The following STPG2 variants were observed in gnomAD, a reference collection of about 807,000 sequenced individuals.
STPG2 encodes the protein sperm-tail PG-rich repeat-containing protein 2.
A neutral mutation model predicts 54.2 loss-of-function variants in STPG2; 56 were observed. That is an observed-to-expected ratio of 1.03 (90% CI 0.83 to 1.29). The LOEUF is 1.29. Ranked by LOEUF, STPG2 falls within the 50% of genes most tolerant of loss-of-function variation. STPG2 has a pLI of 0.00. For missense variants in STPG2, 596 were observed against 544.9 expected, an observed-to-expected ratio of 1.09 and a Z score of -0.93; for synonymous variants, 200 against 181.8, an observed-to-expected ratio of 1.10 and a Z score of -0.81.
At chr4:97,865,680 A>G (rs1729744111) in intron 8 of STPG2, among the ~76,000 whole-genome samples, 1 of 151,916 alleles carries the variant, frequency 6.6e-6, no homozygotes, top group East Asian at 1.9e-4. Context: ...GAAGGGGAAC[A>G]TGACACATCG....
At chr4:97,524,857 G>T (rs902282601) in intron 4 of STPG2, among the ~76,000 whole-genome samples, 4 of 151,946 alleles carry the variant, frequency 2.6e-5, no homozygotes, top group Admixed American at 6.6e-5. Flanking sequence ...ATAGTGGCCT[G>T]TGTTTCTGTC....
intron 4 of STPG2, among the ~76,000 whole-genome samples, chr4:97,443,057 C>T (rs907935226): frequency 2.0e-5 from 3 of 152,060 alleles, no homozygotes; most frequent in Non-Finnish European, 2.9e-5. Context: ...CAAATAAAAT[C>T]TATAGAATTT....
Position 97,558,904 on chromosome 4 carries a change from T to C in STPG2, c.*154A>G. ...TTAACAAGGTTTATTTCTCCGTGGT[T>C]GTGTCATATAGTCACTAAAGCCTGA... On this transcript the variant is annotated 3_prime_UTR_variant, in exon 11 of 11. Transcript: ENST00000295268. 1.8e-5 allele frequency: 11 copies of C among 607,892 alleles called. No individual in the cohort carries two copies. Among genetic ancestry groups the C allele is most frequent in the Non-Finnish European group, 3.2e-5 (11 of 343,366 alleles). 37.7% of individuals were successfully genotyped at this position (607,892 alleles called of 1,614,324 possible). A position where few individuals can be genotyped will look rare whatever the true frequency, so the allele number is the denominator to read the frequency against.
At chr4:97,750,949 C>A (rs1257253974) in intron 9 of STPG2, among the ~76,000 whole-genome samples, 1 of 151,694 alleles carries the variant, frequency 6.6e-6, no homozygotes, top group Non-Finnish European at 1.5e-5. Flanking sequence ...AATACAAATG[C>A]TTTAAGATGC....
At chr4:97,876,847 T>G (rs1223144070) in intron 8 of STPG2, among the ~76,000 whole-genome samples, 4 of 152,028 alleles carry the variant, frequency 2.6e-5, no homozygotes, top group Admixed American at 6.6e-5. Flanking sequence ...TTTCTTAGCC[T>G]GGAAATAAGC....
chr4:98,071,816 T>C (rs1738013383), intron 5 of STPG2, among the ~76,000 whole-genome samples: 1 of 152,242 alleles, frequency 6.6e-6, no homozygotes, highest in Admixed American at 6.5e-5. Context: ...AAGCTCAACA[T>C]CACTAATCAT....
chr4:97,689,020 T>C (rs909660253), intron 10 of STPG2, among the ~76,000 whole-genome samples: 4 of 152,186 alleles, frequency 2.6e-5, no homozygotes, highest in African/African-American at 9.6e-5. Context: ...ACCCTATTTG[T>C]TACTTCAGTA....
chr4:97,792,517 T>C (rs894025930), intron 9 of STPG2, among the ~76,000 whole-genome samples: 6 of 152,184 alleles, frequency 3.9e-5, no homozygotes, highest in African/African-American at 1.4e-4. Context: ...CAATAGCCTA[T>C]ATTAATTGCT....
intron 10 of STPG2, among the ~76,000 whole-genome samples, chr4:97,637,204 ATG>A (rs1350508236): frequency 6.6e-6 from 1 of 152,198 alleles, no homozygotes; most frequent in African/African-American, 2.4e-5. Context: ...AAATCAATAA[ATG>A]TAATCCAGCA....
chr4:97,507,817 C>T lies in STPG2; in HGVS notation c.462+204882G>A, dbSNP rs577049758. Among the ~76,000 whole-genome samples the T allele has an allele frequency of 9.9e-5, 15 of 152,154 alleles. No individual in the cohort carries two copies. The East Asian group carries it at 2.5e-3, about 26-fold the overall frequency. ...CTTCCATGCCTTCCCCACAAAGAGT[C>T]AGGGCATGTTACCATTGCCACACAT... On this transcript the variant is annotated intron_variant, in intron 4 of 4. Coordinates refer to the STPG2 transcript ENST00000522676.
chr4:97,908,416 G>A (rs1313008610), intron 8 of STPG2, among the ~76,000 whole-genome samples: 2 of 149,334 alleles, frequency 1.3e-5, no homozygotes, highest in Admixed American at 1.3e-4. Flanking sequence ...CGCTGTTGGT[G>A]GGACTGTAAA....
chr4:97,885,803 G>A (rs1244485870), intron 8 of STPG2, among the ~76,000 whole-genome samples: 1 of 152,134 alleles, frequency 6.6e-6, no homozygotes, highest in Non-Finnish European at 1.5e-5. Flanking sequence ...AATCCCCCAT[G>A]CATATTGTGG....
intron 6 of STPG2, among the ~76,000 whole-genome samples, chr4:97,974,462 G>A (rs929501473): frequency 6.6e-6 from 1 of 152,148 alleles, no homozygotes; most frequent in African/African-American, 2.4e-5. Context: ...CGTGAGATTT[G>A]GGAGGGGCCC....
chr4:97,693,150 AG>A (rs1723432752), intron 10 of STPG2, among the ~76,000 whole-genome samples: 1 of 150,572 alleles, frequency 6.6e-6, no homozygotes, highest in Non-Finnish European at 1.5e-5. Flanking sequence ...AAAAAAAAAA[AG>A]AAAGGTATTC....
At chr4:97,801,505 T>C (rs1228194920) in intron 9 of STPG2, among the ~76,000 whole-genome samples, 1 of 152,186 alleles carries the variant, frequency 6.6e-6, no homozygotes, top group African/African-American at 2.4e-5. Context: ...CACAACGATT[T>C]CTTTTGCCAG....
At chr4:97,445,610 A>G (rs1453957885) in intron 4 of STPG2, among the ~76,000 whole-genome samples, 2 of 152,230 alleles carry the variant, frequency 1.3e-5, no homozygotes, top group African/African-American at 2.4e-5. Flanking sequence ...TTAGACTTAC[A>G]GCACATTGCA....
chr4:97,579,932 A>T (rs1375802376), intron 10 of STPG2, among the ~76,000 whole-genome samples: 1 of 152,064 alleles, frequency 6.6e-6, no homozygotes, highest in Non-Finnish European at 1.5e-5. Context: ...ATATATCAAC[A>T]CTTTATTTAT....
chr4:97,901,121 G>T (rs547229213), intron 8 of STPG2, among the ~76,000 whole-genome samples: 1 of 151,970 alleles, frequency 6.6e-6, no homozygotes, highest in Admixed American at 6.6e-5. Flanking sequence ...TTGAATAACA[G>T]AATTAACAAA....
rs150727127 is a variant in STPG2, at chr4:97,603,443, C to A, written c.1321-44326G>T. On this transcript the variant is annotated intron_variant, in intron 10 of 10. Transcript: ENST00000295268. ...ATTAAAAATAGAATTACCATAAGAT[C>A]AAGCAATTATACTTCTGGGTATATA... Among the ~76,000 whole-genome samples the A allele has an allele frequency of 6.0e-3, 913 of 151,568 alleles. 3 individuals carry two copies. The highest frequency in any genetic ancestry group is 9.4e-3 in the Non-Finnish European group (632 of 67,570).
Sources: gnomAD v4.1 joint callset for allele counts (sites outside exome capture counted in the v4.1 genomes callset) on GRCh38, gnomAD v4.1.1 for gene constraint, MANE v1.5 for transcripts, NCBI Gene and HGNC (gene_info 2026-07-23, HGNC 2026-07-21) for gene names.